CACNA2D3: variants seen among roughly 807,000 people sequenced by gnomAD.
CACNA2D3 encodes the protein calcium voltage-gated channel auxiliary subunit alpha2delta 3.
Under a neutral mutation model 160.6 loss-of-function variants are expected in CACNA2D3, and 60 were observed. The observed-to-expected ratio is 0.37, with a 90% CI of 0.30 to 0.46. The LOEUF is 0.46. Among genes scored for constraint, CACNA2D3 ranks in the 20% least tolerant of loss-of-function variants. The pLI, the probability that CACNA2D3 is intolerant of heterozygous loss-of-function variation, is 1.00. For synonymous variants in CACNA2D3, 558 were observed against 492.9 expected (o/e 1.13, Z -1.75); for missense variants, 1,205 against 1,365.0 (o/e 0.88, Z 1.85).
At chr3:54,192,425 C>T (rs749756781) in intron 2 of CACNA2D3, among the ~76,000 whole-genome samples, 1 of 152,066 alleles carries the variant, frequency 6.6e-6, no homozygotes, top group Admixed American at 6.5e-5. Context: ...GTGACATGCA[C>T]AGTATTCTTT....
At chr3:54,185,117 G>C (rs968575505) in intron 2 of CACNA2D3, among the ~76,000 whole-genome samples, 16 of 152,212 alleles carry the variant, frequency 1.1e-4, no homozygotes, top group African/African-American at 3.9e-4. Context: ...TGGTTAGAAG[G>C]TTGAAGTAAT....
At chr3:54,830,171 C>G (rs1294697575) in intron 14 of CACNA2D3, among the ~76,000 whole-genome samples, 1 of 151,986 alleles carries the variant, frequency 6.6e-6, no homozygotes, top group Non-Finnish European at 1.5e-5. Flanking sequence ...TCTTGAACTC[C>G]TGACCTCATG....
chr3:54,404,130 A>G (rs895435840), intron 4 of CACNA2D3, among the ~76,000 whole-genome samples: 4 of 152,188 alleles, frequency 2.6e-5, no homozygotes, highest in Admixed American at 6.5e-5. Flanking sequence ...ACTTCCTAAC[A>G]TGTTTTCTGA....
At chr3:54,329,348 G>A (rs895584349) in intron 3 of CACNA2D3, among the ~76,000 whole-genome samples, 1 of 152,088 alleles carries the variant, frequency 6.6e-6, no homozygotes, top group South Asian at 2.1e-4. Context: ...CCTTTGTCTT[G>A]GGGTCAGGAT....
intron 9 of CACNA2D3, among the ~76,000 whole-genome samples, chr3:54,596,490 T>A (rs1276862410): frequency 6.6e-6 from 1 of 152,138 alleles, no homozygotes; most frequent in Non-Finnish European, 1.5e-5. Context: ...TTAGTCTCCA[T>A]ATGTATGGGC....
At chr3:54,435,625 G>T (rs1700048510) in intron 4 of CACNA2D3, among the ~76,000 whole-genome samples, 1 of 152,162 alleles carries the variant, frequency 6.6e-6, no homozygotes, top group Non-Finnish European at 1.5e-5. Flanking sequence ...GCAAAATGAA[G>T]AGATGAAATA....
chr3:54,780,330 G>A (rs966713240), intron 13 of CACNA2D3, among the ~76,000 whole-genome samples: 2 of 152,246 alleles, frequency 1.3e-5, no homozygotes, highest in African/African-American at 4.8e-5. Context: ...TTTGGGGGAT[G>A]AACCACATTT....
chr3:54,400,310 A>G (rs1699430764), intron 4 of CACNA2D3, among the ~76,000 whole-genome samples: 1 of 151,848 alleles, frequency 6.6e-6, no homozygotes, highest in Non-Finnish European at 1.5e-5. Context: ...CTATTCGGCC[A>G]TCTTGGCTCC....
At position 54,918,330 on chromosome 3, in the gene CACNA2D3, T is replaced by TC. The variant is rs745592681; in HGVS notation, c.2449+18462_2449+18463insC. On this transcript the variant is annotated intron_variant, in intron 27 of 37. Transcript: ENST00000474759. ...TTTTTTACAGACACATCTTTTTTTT[T>TC]TCTTTTTTTTTTTTTTTTTTTTTTT... is the stretch of plus-strand genomic sequence containing the variant. 1,760 of 334,630 alleles carry TC rather than the reference T, an allele frequency of 5.3e-3. 39 individuals carry two copies. The African/African-American group carries it at 0.07, about 13-fold the overall frequency. 20.7% of individuals were successfully genotyped at this position (334,630 alleles called of 1,614,324 possible). A position where few individuals can be genotyped will look rare whatever the true frequency, so the allele number is the denominator to read the frequency against.
chr3:54,380,343 A>C (rs903378894), intron 3 of CACNA2D3, among the ~76,000 whole-genome samples: 12 of 152,332 alleles, frequency 7.9e-5, no homozygotes, highest in African/African-American at 2.9e-4. Context: ...GTAGACTGTC[A>C]GCATGTCAAG....
At chr3:54,770,707 C>G (rs950018955) in intron 13 of CACNA2D3, among the ~76,000 whole-genome samples, 1 of 152,120 alleles carries the variant, frequency 6.6e-6, no homozygotes. Context: ...ATGTCTGTTC[C>G]CCATGCTTGA....
chr3:55,033,574 A>T, intron 35 of CACNA2D3, among the ~76,000 whole-genome samples: 1 of 120,380 alleles, frequency 8.3e-6, no homozygotes, highest in East Asian at 2.5e-4. Flanking sequence ...CGTGTCATTT[A>T]TGTGTGTGTG....
chr3:54,879,600 T>C (rs951208713), intron 20 of CACNA2D3, among the ~76,000 whole-genome samples, 189 bp downstream of exon 20: 1 of 152,212 alleles, frequency 6.6e-6, no homozygotes, highest in Non-Finnish European at 1.5e-5. Flanking sequence ...TGGTTCAGGC[T>C]CACCTAGGAG....
chr3:54,756,916 A>T (rs1383899793), intron 12 of CACNA2D3, among the ~76,000 whole-genome samples: 1 of 152,182 alleles, frequency 6.6e-6, no homozygotes, highest in Non-Finnish European at 1.5e-5. Flanking sequence ...CATTTTATGC[A>T]TAAGTAGGTC....
intron 2 of CACNA2D3, among the ~76,000 whole-genome samples, chr3:54,314,066 T>C (rs976207656): frequency 1.3e-5 from 2 of 152,046 alleles, no homozygotes; most frequent in Non-Finnish European, 2.9e-5. Context: ...CTTACTCCCT[T>C]TCTCCCTGAG....
chr3:54,574,381 T>A (rs1702548904), intron 8 of CACNA2D3, among the ~76,000 whole-genome samples: 1 of 152,126 alleles, frequency 6.6e-6, no homozygotes, highest in Non-Finnish European at 1.5e-5. Flanking sequence ...TTTTATTAAG[T>A]TCATTGTGAA....
intron 2 of CACNA2D3, among the ~76,000 whole-genome samples, chr3:54,202,863 A>G (rs1701203420): frequency 1.3e-5 from 2 of 152,218 alleles, no homozygotes; most frequent in East Asian, 1.9e-4. Flanking sequence ...TGACTCTCCA[A>G]AGAGTCCATG....
chr3:54,811,816 C>A (rs1192976479), intron 13 of CACNA2D3, among the ~76,000 whole-genome samples: 2 of 152,112 alleles, frequency 1.3e-5, no homozygotes, highest in African/African-American at 4.8e-5. Flanking sequence ...CAGTTCTTAT[C>A]TAGACCATTC....
intron 2 of CACNA2D3, among the ~76,000 whole-genome samples, chr3:54,274,288 G>A (rs7634927): frequency 0.037 from 5,566 of 152,048 alleles, 297 homozygotes; most frequent in African/African-American, 0.12. Context: ...TCACCTGGCT[G>A]TAATCATTCT....
Sources: allele counts gnomAD v4.1 joint callset (sites outside exome capture counted in the v4.1 genomes callset), GRCh38; gene constraint gnomAD v4.1.1; transcripts MANE v1.5; gene names NCBI Gene and HGNC (gene_info 2026-07-23, HGNC 2026-07-21).